Variants in GUCA2B observed in about 807,000 individuals in gnomAD.
The protein encoded by GUCA2B is guanylate cyclase activator 2B.
Under a neutral mutation model 11.1 loss-of-function variants are expected in GUCA2B, and 7 were observed. That is an observed-to-expected ratio of 0.63 (90% CI 0.36 to 1.18). The LOEUF (loss-of-function observed/expected upper bound fraction) is 1.18, where lower values mean the gene tolerates loss of function less well. GUCA2B is among the 50% of genes most tolerant of loss of function. The pLI is 0.02. For synonymous variants in GUCA2B, 69 were observed against 65.3 expected, an observed-to-expected ratio of 1.06 and a Z score of -0.27; for missense variants, 140 against 142.5, an observed-to-expected ratio of 0.98 and a Z score of 0.09.
chr1:42,155,284 C>T (rs1315162878), intron 2 of GUCA2B, among the ~76,000 whole-genome samples: 4 of 152,224 alleles, frequency 2.6e-5, no homozygotes, highest in African/African-American at 7.2e-5. Flanking sequence ...GTCGGTCCTG[C>T]ATTATCTCCT....
In GUCA2B at chr1:42,153,500, T is replaced by C. The variant is rs760213543; in HGVS notation, c.50T>C (p.Leu17Pro). 6.8e-6 allele frequency: 11 copies of C among 1,612,920 alleles called. No homozygotes were observed. In the South Asian group the frequency reaches 1.2e-4, roughly 18 times the overall value. ...CTCCTGCCAGGAGTGGCCGTGGTCCTCCTGCTGCTGCTGCAGAGCACACAG... is the reference window on the plus strand; with the variant it reads ...CTCCTGCCAGGAGTGGCCGTGGTCCCCCTGCTGCTGCTGCAGAGCACACAG... ...SGLLPGVAVV[L>P]LLLLQSTQSV... The change falls in exon 1 of 3, where the codon CTC becomes CCC. Residue 17 changes from leucine to proline, a missense_variant. Coordinates refer to ENST00000372581, the MANE Select transcript of GUCA2B (RefSeq NM_007102.3).
Position 42,155,817 on chromosome 1 carries a change from A to G in GUCA2B, c.*221A>G, listed in dbSNP as rs1646106960. 1.7e-6 allele frequency: 1 copy of G among 599,244 alleles called. No individual in the cohort carries two copies. The highest frequency in any genetic ancestry group is 1.9e-5 in the African/African-American group (1 of 54,050). 37.1% of individuals were successfully genotyped at this position (599,244 alleles called of 1,614,324 possible). On this transcript the variant is annotated 3_prime_UTR_variant, in exon 3 of 3. Transcript: ENST00000372581. Reference sequence around the variant, plus strand: ...CCCAGCTCCTGAATAAAGATTCTACAACACACGAGTCCACGTGTCCTTTGT... The same window carrying G: ...CCCAGCTCCTGAATAAAGATTCTACGACACACGAGTCCACGTGTCCTTTGT...
chr1:42,155,726 C>T lies in GUCA2B; in HGVS notation c.*130C>T. The T allele has an allele frequency of 3.9e-6, 3 of 768,812 alleles. No individual in the cohort carries two copies. In the Admixed American group the frequency reaches 5.7e-5, roughly 15 times the overall value. The allele number at this position is 768,812 out of a possible 1,614,324, so 47.6% of individuals were successfully genotyped here. ...CATGGTCATCACCACCCTTCCAGGG[C>T]CTGAGCAGCTGGATCTGGTACAAAG... On this transcript the variant is annotated 3_prime_UTR_variant, in exon 3 of 3. Coordinates refer to ENST00000372581, the MANE Select transcript of GUCA2B (RefSeq NM_007102.3).
At chr1:42,155,140 G>C (rs1015330405) in intron 2 of GUCA2B, among the ~76,000 whole-genome samples, 1 of 152,192 alleles carries the variant, frequency 6.6e-6, no homozygotes, top group African/African-American at 2.4e-5. Context: ...TGACATCTGC[G>C]ATGGGACAGG....
chr1:42,155,480 C>A, intron 2 of GUCA2B, 55 bp from the exon 3 acceptor site: 1 of 1,414,434 alleles, frequency 7.1e-7, no homozygotes, highest in Non-Finnish European at 1.0e-6. Context: ...TCTTCTGCTG[C>A]CTGGCCACAG....
Position 42,153,483 on chromosome 1 carries a change from A to C in GUCA2B, c.33A>C (p.Pro11=). 6.2e-7 allele frequency: 1 copy of C among 1,612,882 alleles called. No individual in the cohort carries two copies. The highest frequency in any genetic ancestry group is 8.5e-7 in the Non-Finnish European group (1 of 1,179,834). Residue 11 remains proline (P), a synonymous_variant, in exon 1 of 3, where the codon CCA becomes CCC. Transcript: ENST00000372581. ...GCAGGGCTGCATCAGGGCTCCTGCC[A>C]GGAGTGGCCGTGGTCCTCCTGCTGC... MGCRAASGLL[P]GVAVVLLLLL...
chr1:42,153,679 AG>A, intron 1 of GUCA2B, 139 bp downstream of exon 1: 1 of 628,226 alleles, frequency 1.6e-6, no homozygotes, highest in East Asian at 2.8e-5. Context: ...ATCACAGCCC[AG>A]AGACCAAGGC....
At position 42,153,510 on chromosome 1, in the gene GUCA2B, G is replaced by C. The variant is rs1477894650; in HGVS notation, c.60G>C (p.Leu20=). 1.9e-6 allele frequency: 3 copies of C among 1,612,848 alleles called. No homozygotes were observed. ...GAGTGGCCGTGGTCCTCCTGCTGCT[G>C]CTGCAGAGCACACAGTCAGTCTACA... ...LPGVAVVLLL[L]LQSTQSVYIQ... The change falls in exon 1 of 3, where the codon CTG becomes CTC. Residue 20 remains leucine (L), a synonymous_variant. Transcript: ENST00000372581.
chr1:42,154,684 A>T lies in GUCA2B; in HGVS notation c.95A>T (p.Gln32Leu). 1 of 1,613,854 alleles carries T rather than the reference A, an allele frequency of 6.2e-7. No individual in the cohort carries two copies. The highest frequency in any genetic ancestry group is 8.5e-7 in the Non-Finnish European group (1 of 1,179,714). The change falls in exon 2 of 3, where the codon CAA becomes CTA. Residue 32 changes from glutamine (Q) to leucine (L), a missense_variant. Physicochemically the swap from Gln to Leu is moderately radical, Grantham distance 113. Coordinates refer to ENST00000372581, the MANE Select transcript of GUCA2B (RefSeq NM_007102.3). Reference sequence around the variant, plus strand: ...TCTCCTCTCCCCTGTCTGTAGTACCAAGGCTTCCGGGTCCAGCTGGAATCC... The same window carrying T: ...TCTCCTCTCCCCTGTCTGTAGTACCTAGGCTTCCGGGTCCAGCTGGAATCC... ...QSTQSVYIQYQGFRVQLESMK... is the reference protein window; with the variant it reads ...QSTQSVYIQYLGFRVQLESMK...
Position 42,154,840 on chromosome 1 carries a change from A to G in GUCA2B, c.251A>G (p.Glu84Gly). ...QDLQPVCASQ[E>G]ASSIFKTLRT... ...CTTCAGCCTGTCTGCGCCTCGCAGG[A>G]GGCTTCCAGCATCTTCAAGACCCTG... Residue 84 changes from glutamate (E) to glycine (G), a missense_variant, in exon 2 of 3, where the codon GAG becomes GGG. Glu to Gly is a moderately conservative substitution (Grantham distance 98, BLOSUM62 -2). Transcript: ENST00000372581. 1 of 1,613,616 alleles carries G rather than the reference A, an allele frequency of 6.2e-7. No individual in the cohort carries two copies. Among genetic ancestry groups the G allele is most frequent in the Admixed American group, 1.7e-5 (1 of 59,984 alleles).
At chr1:42,154,942 C>T in intron 2 of GUCA2B, 76 bp downstream of exon 2, 1 of 1,172,206 alleles carries the variant, frequency 8.5e-7, no homozygotes, top group Non-Finnish European at 1.2e-6. Context: ...GGTTGTTTCT[C>T]TTAAGCACCC....
Position 42,155,760 on chromosome 1 carries a change from C to T in GUCA2B, c.*164C>T. On this transcript the variant is annotated 3_prime_UTR_variant, in exon 3 of 3. Transcript: ENST00000372581. Reference sequence around the variant, plus strand: ...CTGGATCTGGTACAAAGCAATCGGACATAGAGTTGGAGGGGGAGGCCCCTG... The same window carrying T: ...CTGGATCTGGTACAAAGCAATCGGATATAGAGTTGGAGGGGGAGGCCCCTG... 1 of 668,628 alleles carries T rather than the reference C, an allele frequency of 1.5e-6. No homozygotes were observed. The highest frequency in any genetic ancestry group is 2.7e-6 in the Non-Finnish European group (1 of 368,130). 41.4% of individuals were successfully genotyped at this position (668,628 alleles called of 1,614,324 possible). A position where few individuals can be genotyped will look rare whatever the true frequency, so the allele number is the denominator to read the frequency against.
At chr1:42,154,589 C>A in intron 1 of GUCA2B, 91 bp from the exon 2 acceptor site, 2 of 1,026,066 alleles carry the variant, frequency 1.9e-6, no homozygotes, top group Non-Finnish European at 3.1e-6. Flanking sequence ...TCTGGAGGAT[C>A]TGCAGGGTTT....
rs140898399 is a variant in GUCA2B, at chr1:42,154,830, G to A, written c.241G>A (p.Ala81Thr). Residue 81 changes from alanine (A) to threonine (T), a missense_variant, in exon 2 of 3, where the codon GCC (alanine) becomes ACC (threonine). Ala to Thr is a moderately conservative substitution (Grantham distance 58). Coordinates refer to ENST00000372581, the MANE Select transcript of GUCA2B (RefSeq NM_007102.3). Reference protein sequence around the residue: ...ALPQDLQPVCASQEASSIFKT... With the variant: ...ALPQDLQPVCTSQEASSIFKT... Reference sequence around the variant, plus strand: ...GCCTCAGGACCTTCAGCCTGTCTGCGCCTCGCAGGAGGCTTCCAGCATCTT... The same window carrying A: ...GCCTCAGGACCTTCAGCCTGTCTGCACCTCGCAGGAGGCTTCCAGCATCTT... The A allele has an allele frequency of 1.2e-5, 20 of 1,613,890 alleles. No homozygotes were observed. The highest frequency in any genetic ancestry group is 5.5e-5 in the South Asian group (5 of 91,058).
rs1054432597 is a variant in GUCA2B at position 42,153,508 on chromosome 1, C to T, written c.58C>T (p.Leu20=). 2 of 1,612,840 alleles carry T rather than the reference C, an allele frequency of 1.2e-6. No individual in the cohort carries two copies. Among genetic ancestry groups the T allele is most frequent in the African/African-American group, 1.3e-5 (1 of 75,040 alleles). Residue 20 remains leucine, a synonymous_variant, in exon 1 of 3, where the codon CTG becomes TTG. Coordinates refer to ENST00000372581, the MANE Select transcript of GUCA2B (RefSeq NM_007102.3). ...LPGVAVVLLL[L]LQSTQSVYIQ... Reference sequence around the variant, plus strand: ...AGGAGTGGCCGTGGTCCTCCTGCTGCTGCTGCAGAGCACACAGTCAGTCTA... The same window carrying T: ...AGGAGTGGCCGTGGTCCTCCTGCTGTTGCTGCAGAGCACACAGTCAGTCTA...
rs200007740 is a variant in GUCA2B, at chr1:42,154,668, C to A, written c.91-12C>A. 4.3e-4 allele frequency: 693 copies of A among 1,611,980 alleles called. 4 individuals carry two copies. Among genetic ancestry groups the A allele is most frequent in the Non-Finnish European group, 8.6e-5 (101 of 1,178,130 alleles). ...TCTTGACCTGCTCCTATCTCCTCTCCCCTGTCTGTAGTACCAAGGCTTCCG... is the reference window on the plus strand; with the variant it reads ...TCTTGACCTGCTCCTATCTCCTCTCACCTGTCTGTAGTACCAAGGCTTCCG... On this transcript the variant is annotated splice_polypyrimidine_tract_variant and intron_variant, in intron 1 of 2. Coordinates refer to ENST00000372581, the MANE Select transcript of GUCA2B (RefSeq NM_007102.3).
At chr1:42,155,459 C>T in intron 2 of GUCA2B, 76 bp from the exon 3 acceptor site, 1 of 1,189,924 alleles carries the variant, frequency 8.4e-7, no homozygotes, top group Non-Finnish European at 1.3e-6. Flanking sequence ...CCGCCCATTC[C>T]CAAGCAGACC....
chr1:42,153,410 G>T lies in GUCA2B; in HGVS notation c.-41G>T. 1 of 1,428,052 alleles carries T rather than the reference G, an allele frequency of 7.0e-7. No homozygotes were observed. The highest frequency in any genetic ancestry group is 2.3e-5 in the East Asian group (1 of 43,836). 88.5% of individuals were successfully genotyped at this position (1,428,052 alleles called of 1,614,324 possible). On this transcript the variant is annotated 5_prime_UTR_variant, in exon 1 of 3. Transcript: ENST00000372581. ...GGAGGTGCTAGGCAGGGACACAGAT[G>T]GGAGACGGTGGACAGCGGCAGGGGG...
At chr1:42,153,654 C>T in intron 1 of GUCA2B, 114 bp downstream of exon 1, 3 of 730,136 alleles carry the variant, frequency 4.1e-6, no homozygotes, top group East Asian at 2.7e-5. Flanking sequence ...GGGCCCGGGG[C>T]TCAGCCCAAC....
Sources: gnomAD v4.1 joint callset for allele counts (sites outside exome capture counted in the v4.1 genomes callset) on GRCh38, gnomAD v4.1.1 for gene constraint, MANE v1.5 for transcripts, NCBI Gene and HGNC (gene_info 2026-07-23, HGNC 2026-07-21) for gene names.